The following IGF1 variants were observed in gnomAD, a reference collection of about 807,000 sequenced individuals.
IGF1 encodes insulin like growth factor 1.
IGF1 carries 4 observed loss-of-function variants against 13.8 expected under a neutral mutation model. That is an observed-to-expected ratio of 0.29 (90% CI 0.14 to 0.66). The LOEUF (loss-of-function observed/expected upper bound fraction) is 0.66, where lower values mean the gene tolerates loss of function less well. Ranked by LOEUF, IGF1 falls within the 30% of genes least tolerant of loss-of-function variation. IGF1 has a pLI of 0.78. For missense variants in IGF1, 124 were observed against 188.5 expected, an observed-to-expected ratio of 0.66 and a Z score of 2.00; for synonymous variants, 76 against 72.6, an observed-to-expected ratio of 1.05 and a Z score of -0.23.
At chr12:102,470,360 G>C (rs1880607969) in intron 2 of IGF1, among the ~76,000 whole-genome samples, 1 of 152,176 alleles carries the variant, frequency 6.6e-6, no homozygotes, top group Admixed American at 6.5e-5. Flanking sequence ...CATCAGGAGG[G>C]AGATGGTCTT....
At chr12:102,410,429 G>A (rs1874537605) in intron 3 of IGF1, among the ~76,000 whole-genome samples, 1 of 152,168 alleles carries the variant, frequency 6.6e-6, no homozygotes, top group African/African-American at 2.4e-5. Flanking sequence ...ATTGCTGAAA[G>A]GTTCAAATGT....
chr12:102,424,693 G>T (rs1317824334), intron 2 of IGF1, among the ~76,000 whole-genome samples: 5 of 152,158 alleles, frequency 3.3e-5, no homozygotes, highest in Non-Finnish European at 7.4e-5. Flanking sequence ...GGAAAAGGGA[G>T]AATCACCTCC....
intron 3 of IGF1, among the ~76,000 whole-genome samples, chr12:102,410,620 CTCCT>C (rs1874556504): frequency 6.6e-6 from 1 of 152,216 alleles, no homozygotes; most frequent in Non-Finnish European, 1.5e-5. Flanking sequence ...TATGCAGTAA[CTCCT>C]ATTGCAGTGT....
intron 1 of IGF1, among the ~76,000 whole-genome samples, chr12:102,477,460 C>T (rs1881125392): frequency 1.3e-5 from 2 of 151,808 alleles, no homozygotes; most frequent in South Asian, 4.2e-4. Context: ...AACAAGATCT[C>T]CGCATGGAAA....
chr12:102,481,790 C>G (rs1328202860), upstream of IGF1: 1 of 149,822 alleles, frequency 6.7e-6, no homozygotes, highest in Non-Finnish European at 1.5e-5. Flanking sequence ...TTTTTTTTTC[C>G]ACATGACTCT....
At chr12:102,411,925 T>C (rs879338475) in intron 3 of IGF1, among the ~76,000 whole-genome samples, 13 of 152,174 alleles carry the variant, frequency 8.5e-5, no homozygotes, top group Non-Finnish European at 1.3e-4. Flanking sequence ...CAGTCCCTAA[T>C]AGAAGTAAGG....
At chr12:102,405,119 A>G (rs372904074) in intron 3 of IGF1, among the ~76,000 whole-genome samples, 146 of 126,014 alleles carry the variant, frequency 1.2e-3, no homozygotes, top group East Asian at 3.3e-3. Context: ...TTGGAGTCTC[A>G]CTCTGTCACC....
chr12:102,443,518 A>C (rs967782915), intron 2 of IGF1, among the ~76,000 whole-genome samples: 1 of 152,100 alleles, frequency 6.6e-6, no homozygotes, highest in Non-Finnish European at 1.5e-5. Flanking sequence ...GCCCTGAACT[A>C]TGTATCTTGG....
intron 2 of IGF1, among the ~76,000 whole-genome samples, chr12:102,451,445 G>A (rs1265136462): frequency 6.6e-6 from 1 of 152,192 alleles, no homozygotes; most frequent in Non-Finnish European, 1.5e-5. Flanking sequence ...CTAAGATGTA[G>A]GCCTGTGGAC....
chr12:102,477,987 TTC>T (rs1184260252), intron 1 of IGF1, among the ~76,000 whole-genome samples: 2 of 126,578 alleles, frequency 1.6e-5, no homozygotes, highest in African/African-American at 5.6e-5. Context: ...TTAAATAGAT[TTC>T]TCTTTTTCTT....
chr12:102,429,303 C>A, intron 2 of IGF1, among the ~76,000 whole-genome samples: 1 of 152,136 alleles, frequency 6.6e-6, no homozygotes, highest in East Asian at 1.9e-4. Flanking sequence ...ATTGCTTAAA[C>A]ATGACCATGA....
intron 2 of IGF1, among the ~76,000 whole-genome samples, chr12:102,448,782 T>C (rs1878622758): frequency 6.8e-6 from 1 of 147,746 alleles, no homozygotes; most frequent in African/African-American, 2.5e-5. Flanking sequence ...TATGCAGCCA[T>C]CGGACATGAA....
intron 2 of IGF1, among the ~76,000 whole-genome samples, chr12:102,446,965 C>T (rs1245398462): frequency 6.6e-6 from 1 of 151,950 alleles, no homozygotes; most frequent in Non-Finnish European, 1.5e-5. Flanking sequence ...TTTATTTCTG[C>T]CTTAATTTTG....
At chr12:102,464,858 C>T (rs553165939) in intron 2 of IGF1, among the ~76,000 whole-genome samples, 4 of 152,272 alleles carry the variant, frequency 2.6e-5, no homozygotes, top group African/African-American at 9.6e-5. Flanking sequence ...CTGAATGCTG[C>T]TTTTTGAGGC....
intron 3 of IGF1, among the ~76,000 whole-genome samples, chr12:102,402,824 G>C (rs1018225766): frequency 2.6e-5 from 4 of 152,142 alleles, no homozygotes; most frequent in African/African-American, 4.8e-5. Flanking sequence ...ACAAAGATGA[G>C]ATTTGATTCA....
intron 2 of IGF1, among the ~76,000 whole-genome samples, chr12:102,451,199 G>A (rs191466412): frequency 4.7e-4 from 71 of 152,306 alleles, no homozygotes; most frequent in Admixed American, 2.2e-3. Flanking sequence ...TTGACTCCTG[G>A]ATAGGAATTA....
At chr12:102,441,915 C>CTTCTTCTTTCTT (rs1555244052) in intron 2 of IGF1, among the ~76,000 whole-genome samples, 3 of 122,180 alleles carry the variant, frequency 2.5e-5, no homozygotes, top group Middle Eastern at 3.7e-3. Flanking sequence ...TGCTTCTTCT[C>CTTCTTCTTTCTT]CTTCTTCTTC....
chr12:102,417,850 T>C, intron 3 of IGF1: 2 of 1,614,010 alleles, frequency 1.2e-6, no homozygotes, highest in Non-Finnish European at 1.7e-6. Flanking sequence ...CATTCAGCAT[T>C]TCTACTTCCA....
intron 2 of IGF1, among the ~76,000 whole-genome samples, chr12:102,454,745 T>A (rs1879248735): frequency 6.6e-6 from 1 of 152,168 alleles, no homozygotes; most frequent in Non-Finnish European, 1.5e-5. Flanking sequence ...CAGAGGCAAA[T>A]GTTTGCTGCA....
Sources: gnomAD v4.1 joint callset for allele counts (sites outside exome capture counted in the v4.1 genomes callset) on GRCh38, gnomAD v4.1.1 for gene constraint, MANE v1.5 for transcripts, NCBI Gene and HGNC (gene_info 2026-07-23, HGNC 2026-07-21) for gene names.